ATR: variants seen among roughly 807,000 people sequenced by gnomAD.
ATR encodes the protein ATR checkpoint kinase.
In ATR, 142 loss-of-function variants were observed where a neutral mutation model predicts 305.3. The observed-to-expected ratio is 0.47, with a 90% CI of 0.41 to 0.53. The LOEUF is 0.53. Ranked by LOEUF, ATR falls within the 20% of genes least tolerant of loss-of-function variation. The pLI is 0.00. For missense variants in ATR, 2,135 were observed against 3,133.1 expected, an observed-to-expected ratio of 0.68 and a Z score of 7.60; for synonymous variants, 1,050 against 1,068.1, an observed-to-expected ratio of 0.98 and a Z score of 0.33.
At chr3:142,502,016 C>T (rs751373378) in intron 30 of ATR, among the ~76,000 whole-genome samples, 8 of 152,028 alleles carry the variant, frequency 5.3e-5, no homozygotes, top group Non-Finnish European at 1.0e-4. Context: ...CAGAGTGCTG[C>T]AATTACAGGC....
rs58423397 is a variant in ATR, at chr3:142,567,615, AG to A, written c.151+447del. ...TTCTGTCTAGCAGATTGGCACAAACAGGCAATAATTGATTCAGTAACTCACA... is the reference window on the plus strand; with the variant it reads ...TTCTGTCTAGCAGATTGGCACAAACAGCAATAATTGATTCAGTAACTCACA... On this transcript the variant is annotated intron_variant, in intron 2 of 46. Transcript: ENST00000350721. Among the ~76,000 whole-genome samples, 1,353 of 152,336 alleles carry A rather than the reference AG, an allele frequency of 8.9e-3. 21 individuals carry two copies. The highest frequency in any genetic ancestry group is 0.031 in the African/African-American group (1,280 of 41,570).
chr3:142,534,889 T>A (rs1356764465), intron 21 of ATR, among the ~76,000 whole-genome samples, 191 bp downstream of exon 21: 1 of 152,090 alleles, frequency 6.6e-6, no homozygotes, highest in Non-Finnish European at 1.5e-5. Context: ...CAACAAAAAC[T>A]GCAAATCCCT....
At chr3:142,570,161 C>G (rs1474217134) in intron 1 of ATR, among the ~76,000 whole-genome samples, 2 of 152,120 alleles carry the variant, frequency 1.3e-5, no homozygotes, top group Non-Finnish European at 2.9e-5. Context: ...TTAATATATT[C>G]TAGATATTAA....
chr3:142,508,487 A>G (rs955817119), intron 27 of ATR, among the ~76,000 whole-genome samples: 1 of 152,226 alleles, frequency 6.6e-6, no homozygotes, highest in Non-Finnish European at 1.5e-5. Flanking sequence ...ATTTTTGATG[A>G]CTATAAAAAA....
intron 13 of ATR, among the ~76,000 whole-genome samples, chr3:142,552,487 T>C (rs1282045400): frequency 6.6e-6 from 1 of 151,908 alleles, no homozygotes; most frequent in Non-Finnish European, 1.5e-5. Flanking sequence ...TTGGCCAACA[T>C]GGTGAAACCT....
chr3:142,536,926 A>G (rs192702339), intron 19 of ATR, among the ~76,000 whole-genome samples: 15 of 152,334 alleles, frequency 9.8e-5, no homozygotes, highest in Admixed American at 5.2e-4. Flanking sequence ...TGTCAGGGCT[A>G]TAATTTTTAA....
rs2108466195 is a variant in ATR, at chr3:142,554,021, G to A, written c.2342-6C>T. 1.3e-6 allele frequency: 2 copies of A among 1,597,116 alleles called. No individual in the cohort carries two copies. ...ATGTAGATTATCTATGAAAGCTGAAGGACAAGAGTATACAATACCTAATTT... is the reference window on the plus strand; with the variant it reads ...ATGTAGATTATCTATGAAAGCTGAAAGACAAGAGTATACAATACCTAATTT... On this transcript the variant is annotated splice_polypyrimidine_tract_variant and splice_region_variant and intron_variant, in intron 10 of 46. Coordinates refer to ENST00000350721, the MANE Select transcript of ATR (RefSeq NM_001184.4).
chr3:142,472,866 C>T (rs1236562906), intron 36 of ATR, among the ~76,000 whole-genome samples: 4 of 152,090 alleles, frequency 2.6e-5, no homozygotes, highest in Non-Finnish European at 5.9e-5. Flanking sequence ...TCTTGAACTC[C>T]TGGGCTCAAA....
At position 142,507,947 on chromosome 3, in the gene ATR, TG is replaced by T. The variant is rs1559948274; in HGVS notation, c.5014del (p.His1672IlefsTer31). On this transcript the variant is annotated frameshift_variant, in exon 28 of 47. Coordinates refer to ENST00000350721, the MANE Select transcript of ATR (RefSeq NM_001184.4). LOFTEE classifies it high-confidence loss of function. ...ACTTCAGACCTGTAAAAATCCAAGA[TG>T]TTCCTGAATATTTTGCTTCTTTTCT... ...ITEKKQNIQE[H>X]LGFLQKLYAA... is the part of the protein sequence containing the mutation. 6.2e-7 allele frequency: 1 copy of T among 1,609,994 alleles called. No individual in the cohort carries two copies. The highest frequency in any genetic ancestry group is 8.5e-7 in the Non-Finnish European group (1 of 1,176,302).
chr3:142,546,588 G>C (rs113013729), intron 16 of ATR, among the ~76,000 whole-genome samples: 5 of 152,096 alleles, frequency 3.3e-5, no homozygotes, highest in African/African-American at 9.7e-5. Context: ...TGAGAAAAAA[G>C]AGCCAGTTAC....
intron 2 of ATR, among the ~76,000 whole-genome samples, chr3:142,567,359 C>T (rs984912800): frequency 2.6e-5 from 4 of 152,102 alleles, no homozygotes; most frequent in Non-Finnish European, 4.4e-5. Flanking sequence ...AATATGAATA[C>T]GATACAAAAA....
chr3:142,568,194 T>G, intron 1 of ATR, 40 bp from the exon 2 acceptor site: 1 of 1,537,482 alleles, frequency 6.5e-7, no homozygotes, highest in Non-Finnish European at 9.0e-7. Flanking sequence ...TTAAAGTGAC[T>G]CAGTTTCATT....
At chr3:142,481,691 T>C (rs903287776) in intron 36 of ATR, among the ~76,000 whole-genome samples, 2 of 152,218 alleles carry the variant, frequency 1.3e-5, no homozygotes, top group Non-Finnish European at 2.9e-5. Flanking sequence ...GGTCTTGCCA[T>C]GTTCCCTAGG....
intron 8 of ATR, among the ~76,000 whole-genome samples, chr3:142,558,259 A>C (rs2034742163): frequency 6.6e-6 from 1 of 152,078 alleles, no homozygotes; most frequent in African/African-American, 2.4e-5. Flanking sequence ...ATGGTGGCTC[A>C]CGCCTGTAAT....
At chr3:142,499,822 G>A in intron 30 of ATR, 104 bp from the exon 31 acceptor site, 1 of 913,018 alleles carries the variant, frequency 1.1e-6, no homozygotes, top group Non-Finnish European at 1.7e-6. Flanking sequence ...TATTGAATTT[G>A]CATTATATTG....
chr3:142,513,361 C>T, intron 26 of ATR, 140 bp downstream of exon 26: 1 of 988,336 alleles, frequency 1.0e-6, no homozygotes, highest in Non-Finnish European at 1.6e-6. Context: ...ACACACCAAA[C>T]AGGCAAAGAT....
At position 142,560,474 on chromosome 3, in the gene ATR, A is replaced by G. The variant is rs762124109; in HGVS notation, c.1350-20T>C. The stretch of plus-strand genomic sequence containing the variant: ...TTAATTCTATAATTATGAATATAGT[A>G]GAGAGATATTCATATGCAATATAAA... On this transcript the variant is annotated intron_variant, in intron 5 of 46. Transcript: ENST00000350721. 2.6e-6 allele frequency: 4 copies of G among 1,560,422 alleles called. No homozygotes were observed. The East Asian group carries it at 9.0e-5, about 35-fold the overall frequency.
chr3:142,550,038 A>C lies in ATR; in HGVS notation c.2976+94T>G. The stretch of plus-strand genomic sequence containing the variant: ...TCCACTTAAACTTAAGTTTTACAGC[A>C]TAAGCAATAATCTCATATCAAAGTC... On this transcript the variant is annotated intron_variant, in intron 14 of 46. Transcript: ENST00000350721. The C allele has an allele frequency of 2.0e-6, 3 of 1,490,100 alleles. No individual in the cohort carries two copies. The South Asian group carries it at 3.5e-5, about 17-fold the overall frequency. The allele number at this position is 1,490,100 out of a possible 1,614,324, so 92.3% of individuals were successfully genotyped here.
chr3:142,508,304 T>C (rs999792488), intron 27 of ATR, among the ~76,000 whole-genome samples, 195 bp from the exon 28 acceptor site: 1 of 152,146 alleles, frequency 6.6e-6, no homozygotes, highest in Admixed American at 6.6e-5. Context: ...ATAACTTACC[T>C]TTCTTTGGAC....
Sources: gnomAD v4.1 joint callset for allele counts (sites outside exome capture counted in the v4.1 genomes callset) on GRCh38, gnomAD v4.1.1 for gene constraint, MANE v1.5 for transcripts, NCBI Gene and HGNC (gene_info 2026-07-23, HGNC 2026-07-21) for gene names.